PCID2: variants seen among roughly 807,000 people sequenced by gnomAD.
PCID2 encodes the protein PCI domain containing 2, also known as PCI domain-containing protein 2.
In PCID2, 41 loss-of-function variants were observed where a neutral mutation model predicts 61.3. That is an observed-to-expected ratio of 0.67 (90% confidence interval 0.52 to 0.87). The LOEUF (loss-of-function observed/expected upper bound fraction) is 0.87. Ranked by LOEUF, PCID2 falls within the 40% of genes least tolerant of loss-of-function variation. The pLI is 0.00. For missense variants in PCID2, 392 were observed against 493.4 expected (o/e 0.79, Z 1.95); for synonymous variants, 187 against 177.8 (o/e 1.05, Z -0.41).
intron 7 of PCID2, among the ~76,000 whole-genome samples, chr13:113,190,486 AAG>A (rs1250047231): frequency 1.3e-5 from 2 of 152,164 alleles, no homozygotes; most frequent in Admixed American, 1.3e-4. Context: ...TTCACTGGTA[AAG>A]AGAGAACATT....
chr13:113,201,002 G>C (rs1017042072), intron 1 of PCID2, among the ~76,000 whole-genome samples: 1 of 152,110 alleles, frequency 6.6e-6, no homozygotes, highest in African/African-American at 2.4e-5. Flanking sequence ...TTATCATGTA[G>C]CTCTTCATGA....
At position 113,196,178 on chromosome 13, in the gene PCID2, T is replaced by TA. The variant is rs1407880457; in HGVS notation, c.308+2dup. 6.2e-7 allele frequency: 1 copy of TA among 1,605,384 alleles called. No homozygotes were observed. The highest frequency in any genetic ancestry group is 2.2e-5 in the East Asian group (1 of 44,760). On this transcript the variant is annotated splice_region_variant and intron_variant, in intron 5 of 13. Transcript: ENST00000337344. ...TAATTCAGCTGTTTCTGTTCACACT[T>TA]ACCAGTTTTCTTCTTTGTGGGCCTG...
At chr13:113,190,843 T>C (rs1268521863) in intron 7 of PCID2, 29 bp downstream of exon 7, 12 of 1,398,124 alleles carry the variant, frequency 8.6e-6, no homozygotes, top group Non-Finnish European at 1.1e-5. Flanking sequence ...CAACAGCGTC[T>C]GGTGGTCGGT....
chr13:113,195,530 C>A (rs1175908432), intron 5 of PCID2, among the ~76,000 whole-genome samples: 1 of 152,076 alleles, frequency 6.6e-6, no homozygotes, highest in Admixed American at 6.6e-5. Context: ...CTTTTACAGC[C>A]AACTGGCAAA....
At chr13:113,184,207 T>G in intron 9 of PCID2, 139 bp downstream of exon 9, 1 of 888,702 alleles carries the variant, frequency 1.1e-6, no homozygotes, top group South Asian at 1.7e-5. Context: ...TCAGCTTTAG[T>G]GTCAAATATG....
At chr13:113,173,916 A>G (rs1426171019), downstream of PCID2, among the ~76,000 whole-genome samples, 3 of 152,128 alleles carry the variant, frequency 2.0e-5, no homozygotes, top group Non-Finnish European at 4.4e-5. Context: ...TGGATTTACT[A>G]GAGTGGAAGC....
At chr13:113,167,759 G>C in the PCID2 span, among the ~76,000 whole-genome samples, 2 of 152,112 alleles carry the variant, frequency 1.3e-5, no homozygotes, top group African/African-American at 4.8e-5. Context: ...CCTTTTAATT[G>C]GGGTATTTAG....
chr13:113,205,541 C>T (rs926799429), intron 1 of PCID2, among the ~76,000 whole-genome samples: 3 of 152,264 alleles, frequency 2.0e-5, no homozygotes, highest in South Asian at 2.1e-4. Context: ...ACAAAACCTG[C>T]GCAAGAATGT....
At chr13:113,167,006 T>C in the PCID2 span, among the ~76,000 whole-genome samples, 2 of 152,234 alleles carry the variant, frequency 1.3e-5, no homozygotes, top group Non-Finnish European at 2.9e-5. Flanking sequence ...TACATACTAT[T>C]AGATTTTTTA....
In PCID2 at chr13:113,181,818, A is replaced by G. The variant is rs76648698; in HGVS notation, c.686-588T>C. Among the ~76,000 whole-genome samples the G allele has an allele frequency of 7.2e-4, 109 of 152,364 alleles. 1 individual carries two copies. In the East Asian group the frequency reaches 0.017, roughly 23 times the overall value. On this transcript the variant is annotated intron_variant, in intron 9 of 13. Coordinates refer to ENST00000337344, the MANE Select transcript of PCID2 (RefSeq NM_001127202.4). The stretch of plus-strand genomic sequence containing the variant: ...AGATTTGAATTTAATAGATTTCAAA[A>G]TACAAAAGTAATTCTATTTGTCAAG...
In PCID2 at chr13:113,177,926, C is replaced by T. The variant is rs970910564; in HGVS notation, c.*272G>A. ...GGAAAAGTGAGCCGAGCAGCCTTCA[C>T]GCAAAGCCTCCTTCAAAGAAGTCTC... is the stretch of plus-strand genomic sequence containing the variant. On this transcript the variant is annotated 3_prime_UTR_variant, in exon 14 of 14. Coordinates refer to ENST00000337344, the MANE Select transcript of PCID2 (RefSeq NM_001127202.4). 6 of 285,172 alleles carry T rather than the reference C, an allele frequency of 2.1e-5. No individual in the cohort carries two copies. The highest frequency in any genetic ancestry group is 1.4e-4 in the Admixed American group (3 of 20,790). The allele number at this position is 285,172 out of a possible 1,614,324, so 17.7% of individuals were successfully genotyped here.
intron 5 of PCID2, 127 bp downstream of exon 5, chr13:113,196,054 G>C: frequency 1.4e-6 from 1 of 702,100 alleles, no homozygotes; most frequent in Non-Finnish European, 2.6e-6. Flanking sequence ...ATTACCATAT[G>C]TCAACACACT....
chr13:113,183,898 C>T, intron 9 of PCID2: 1 of 985,446 alleles, frequency 1.0e-6, no homozygotes, highest in Non-Finnish European at 1.2e-6. Flanking sequence ...TAAACGAGAG[C>T]TTTGACACCA....
intron 9 of PCID2, among the ~76,000 whole-genome samples, chr13:113,181,660 A>G (rs2037648060): frequency 6.6e-6 from 1 of 152,216 alleles, no homozygotes; most frequent in Non-Finnish European, 1.5e-5. Flanking sequence ...TTAGTAAAAC[A>G]CCATCCTCCA....
At chr13:113,198,987 C>T (rs2039225538) in intron 2 of PCID2, among the ~76,000 whole-genome samples, 1 of 152,252 alleles carries the variant, frequency 6.6e-6, no homozygotes, top group Admixed American at 6.5e-5. Context: ...CCACCAGTCT[C>T]ATCTCCTGGG....
intron 2 of PCID2, among the ~76,000 whole-genome samples, 163 bp downstream of exon 2, chr13:113,200,264 C>T (rs2039319542): frequency 6.6e-6 from 1 of 152,190 alleles, no homozygotes; most frequent in African/African-American, 2.4e-5. Context: ...AGTCAGTGCT[C>T]CACAAATGGA....
Position 113,179,855 on chromosome 13 carries a change from G to A in PCID2, c.986+62C>T. 3 of 1,544,308 alleles carry A rather than the reference G, an allele frequency of 1.9e-6. No individual in the cohort carries two copies. Among genetic ancestry groups the A allele is most frequent in the Non-Finnish European group, 2.6e-6 (3 of 1,133,152 alleles). The stretch of plus-strand genomic sequence containing the variant: ...TTCTCTCTTAGACTGCAACAGCCCT[G>A]GATGTCTGACTGCTCTGCCGAGAGC... On this transcript the variant is annotated intron_variant, in intron 12 of 13. Transcript: ENST00000337344. The surrounding 1 kb of genome is among the most constrained non-coding windows in gnomAD (Gnocchi z 4.3).
intron 8 of PCID2, among the ~76,000 whole-genome samples, chr13:113,184,815 G>A (rs1273954113): frequency 1.3e-5 from 2 of 151,154 alleles, no homozygotes; most frequent in African/African-American, 2.4e-5. Context: ...GAGGCTCTGC[G>A]AAGCCGTTCC....
intron 1 of PCID2, 116 bp from the exon 2 acceptor site, chr13:113,200,632 G>T: frequency 5.1e-6 from 3 of 589,788 alleles, no homozygotes; most frequent in Non-Finnish European, 9.2e-6. Context: ...TACTTTGAAA[G>T]AAGACAGAAC....
Sources: allele counts gnomAD v4.1 joint callset (sites outside exome capture counted in the v4.1 genomes callset), GRCh38; gene constraint gnomAD v4.1.1; non-coding constraint Gnocchi (gnomAD v3.1); transcripts MANE v1.5; gene names NCBI Gene and HGNC (gene_info 2026-07-23, HGNC 2026-07-21).